Variants in SPIDR observed in about 807,000 individuals in gnomAD.
The protein encoded by SPIDR is DNA repair-scaffolding protein.
Under a neutral mutation model 104.6 loss-of-function variants are expected in SPIDR, and 93 were observed. The ratio of observed to expected loss-of-function variants is 0.89; its 90% confidence interval spans 0.75 to 1.06. The LOEUF (loss-of-function observed/expected upper bound fraction) is 1.06. Among genes scored for constraint, SPIDR ranks in the 50% least tolerant of loss-of-function variants. The pLI is 0.00. For synonymous variants in SPIDR, 431 were observed against 416.9 expected, an observed-to-expected ratio of 1.03 and a Z score of -0.41; for missense variants, 1,154 against 1,111.2, an observed-to-expected ratio of 1.04 and a Z score of -0.55.
chr8:47,695,459 T>G (rs1359774573), intron 11 of SPIDR, among the ~76,000 whole-genome samples: 1 of 152,206 alleles, frequency 6.6e-6, no homozygotes, highest in Non-Finnish European at 1.5e-5. Flanking sequence ...CCGTTTTCTG[T>G]TGTCCACAGC....
intron 8 of SPIDR, among the ~76,000 whole-genome samples, chr8:47,568,330 A>G (rs1340348893): frequency 6.6e-6 from 1 of 152,186 alleles, no homozygotes; most frequent in Non-Finnish European, 1.5e-5. Flanking sequence ...TGTTAGAACA[A>G]TACTTGGCAC....
chr8:47,262,351 G>A (rs1422242531), intron 1 of SPIDR, among the ~76,000 whole-genome samples: 1 of 151,622 alleles, frequency 6.6e-6, no homozygotes, highest in Non-Finnish European at 1.5e-5. Context: ...TTTAGTAGTC[G>A]TACAGTTGTC....
At chr8:47,731,232 G>A (rs905259622) in intron 19 of SPIDR, among the ~76,000 whole-genome samples, 3 of 151,040 alleles carry the variant, frequency 2.0e-5, no homozygotes, top group Non-Finnish European at 2.9e-5. Context: ...CAGCCTGGGC[G>A]ACAGAGCAAG....
At chr8:47,330,592 T>C (rs982153266) in intron 5 of SPIDR, among the ~76,000 whole-genome samples, 6 of 152,234 alleles carry the variant, frequency 3.9e-5, no homozygotes, top group Admixed American at 3.9e-4. Context: ...CAGAATGTCA[T>C]ACAGTTGGAA....
intron 6 of SPIDR, among the ~76,000 whole-genome samples, chr8:47,398,570 G>A (rs2061496456): frequency 6.6e-6 from 1 of 152,142 alleles, no homozygotes; most frequent in African/African-American, 2.4e-5. Flanking sequence ...TGGAGCAGGT[G>A]CTTTTGGTTT....
intron 14 of SPIDR, among the ~76,000 whole-genome samples, chr8:47,709,247 TCTC>T (rs2081505388): frequency 6.6e-6 from 1 of 152,150 alleles, no homozygotes; most frequent in Non-Finnish European, 1.5e-5. Context: ...TTCAAGCAAT[TCTC>T]CTGTCTCCAC....
chr8:47,352,840 G>C (rs1230593323), intron 5 of SPIDR, among the ~76,000 whole-genome samples: 1 of 151,976 alleles, frequency 6.6e-6, no homozygotes, highest in Non-Finnish European at 1.5e-5. Context: ...GAGTCGATGA[G>C]GTTGAGAGAT....
At chr8:47,507,345 A>T (rs2081640721) in intron 8 of SPIDR, among the ~76,000 whole-genome samples, 1 of 152,236 alleles carries the variant, frequency 6.6e-6, no homozygotes, top group African/African-American at 2.4e-5. Context: ...AGTGTGATTG[A>T]TACCTCATGC....
At chr8:47,635,510 A>G (rs1333231476) in intron 10 of SPIDR, among the ~76,000 whole-genome samples, 2 of 152,200 alleles carry the variant, frequency 1.3e-5, no homozygotes, top group Non-Finnish European at 2.9e-5. Context: ...TGTACCCTCA[A>G]AATTTAAAAA....
intron 5 of SPIDR, among the ~76,000 whole-genome samples, chr8:47,328,884 GTTC>G (rs1554602541): frequency 6.6e-6 from 1 of 151,108 alleles, no homozygotes; most frequent in Non-Finnish European, 1.5e-5. Flanking sequence ...GCAATATTTA[GTTC>G]TTCTAATGTC....
chr8:47,480,178 A>T (rs2076738912), intron 8 of SPIDR, among the ~76,000 whole-genome samples: 1 of 152,248 alleles, frequency 6.6e-6, no homozygotes, highest in Non-Finnish European at 1.5e-5. Flanking sequence ...ACAGTTGAAT[A>T]CTGTGCTGGG....
In SPIDR at chr8:47,285,347, G is replaced by A. The variant is rs376780467; in HGVS notation, c.256+1253G>A. Among the ~76,000 whole-genome samples, 8 of 152,292 alleles carry A rather than the reference G, an allele frequency of 5.3e-5. No homozygotes were observed. In the South Asian group the frequency reaches 1.0e-3, roughly 20 times the overall value. ...TAAAATTTATAAAGTGTTGCTTTAT[G>A]AAGTAAACTAGTACACATCTTTTAA... On this transcript the variant is annotated intron_variant, in intron 3 of 19. Coordinates refer to ENST00000297423, the MANE Select transcript of SPIDR (RefSeq NM_001080394.4).
chr8:47,602,990 A>G (rs1020550720), intron 10 of SPIDR, among the ~76,000 whole-genome samples: 1 of 152,192 alleles, frequency 6.6e-6, no homozygotes, highest in Non-Finnish European at 1.5e-5. Flanking sequence ...ACGCAAACTT[A>G]AGTTTTATAA....
intron 8 of SPIDR, among the ~76,000 whole-genome samples, chr8:47,500,111 A>G (rs1315176853): frequency 4.6e-5 from 7 of 152,296 alleles, no homozygotes; most frequent in Admixed American, 1.3e-4. Context: ...ATACATATGC[A>G]TGTGTCTTTA....
At chr8:47,335,729 G>A (rs1216781798) in intron 5 of SPIDR, among the ~76,000 whole-genome samples, 8 of 152,170 alleles carry the variant, frequency 5.3e-5, no homozygotes, top group African/African-American at 9.7e-5. Context: ...GATTACAGGC[G>A]TGAGCCACCA....
At chr8:47,617,642 C>T (rs552052258) in intron 10 of SPIDR, among the ~76,000 whole-genome samples, 1 of 152,236 alleles carries the variant, frequency 6.6e-6, no homozygotes, top group South Asian at 2.1e-4. Flanking sequence ...AGATGTTGTT[C>T]CATTAATAGA....
At chr8:47,385,712 T>A (rs2059820775) in intron 5 of SPIDR, among the ~76,000 whole-genome samples, 1 of 152,216 alleles carries the variant, frequency 6.6e-6, no homozygotes, top group Non-Finnish European at 1.5e-5. Flanking sequence ...TTCCATTGGG[T>A]TGGCTTCCCA....
intron 5 of SPIDR, among the ~76,000 whole-genome samples, chr8:47,384,165 A>G (rs1197671797): frequency 6.6e-6 from 1 of 152,190 alleles, no homozygotes; most frequent in Non-Finnish European, 1.5e-5. Context: ...TGTTGAATTA[A>G]TTAGTGAATG....
intron 7 of SPIDR, among the ~76,000 whole-genome samples, chr8:47,423,188 C>T (rs1221956805): frequency 6.6e-6 from 1 of 151,660 alleles, no homozygotes; most frequent in Admixed American, 6.6e-5. Context: ...ATCCCAGCTA[C>T]TCGGGAGGCT....
Sources: gnomAD v4.1 joint callset for allele counts (sites outside exome capture counted in the v4.1 genomes callset) on GRCh38, gnomAD v4.1.1 for gene constraint, MANE v1.5 for transcripts, NCBI Gene and HGNC (gene_info 2026-07-23, HGNC 2026-07-21) for gene names.